CACNA2D3: variants seen among roughly 807,000 people sequenced by gnomAD.
CACNA2D3 encodes calcium voltage-gated channel auxiliary subunit alpha2delta 3.
CACNA2D3 carries 60 observed loss-of-function variants against 160.6 expected under a neutral mutation model. The ratio of observed to expected loss-of-function variants is 0.37; its 90% CI spans 0.30 to 0.46. CACNA2D3 has a LOEUF of 0.46. Among genes scored for constraint, CACNA2D3 ranks in the 20% least tolerant of loss-of-function variants. The pLI is 1.00. For synonymous variants in CACNA2D3, 558 were observed against 492.9 expected, an observed-to-expected ratio of 1.13 and a Z score of -1.75; for missense variants, 1,205 against 1,365.0, an observed-to-expected ratio of 0.88 and a Z score of 1.85.
chr3:54,926,533 C>T (rs947929146), intron 27 of CACNA2D3, among the ~76,000 whole-genome samples: 1 of 151,174 alleles, frequency 6.6e-6, no homozygotes, highest in Non-Finnish European at 1.5e-5. Context: ...CACACACACA[C>T]ACACACACAC....
chr3:54,458,257 G>T (rs1700435049), intron 4 of CACNA2D3, among the ~76,000 whole-genome samples: 1 of 152,038 alleles, frequency 6.6e-6, no homozygotes. Context: ...TGCTCCACCA[G>T]TGAATTTTGT....
chr3:54,520,859 A>G (rs1385334764), intron 5 of CACNA2D3, among the ~76,000 whole-genome samples: 1 of 152,174 alleles, frequency 6.6e-6, no homozygotes, highest in African/African-American at 2.4e-5. Flanking sequence ...ATGTAATCAT[A>G]TTATATGTGA....
At chr3:54,813,546 TG>T (rs914645554) in intron 13 of CACNA2D3, among the ~76,000 whole-genome samples, 5 of 152,136 alleles carry the variant, frequency 3.3e-5, no homozygotes, top group South Asian at 2.1e-4. Context: ...AACATGGTGG[TG>T]GGGGGTGTTG....
chr3:54,387,705 G>T (rs1699212955), intron 4 of CACNA2D3, among the ~76,000 whole-genome samples: 1 of 150,878 alleles, frequency 6.6e-6, no homozygotes, highest in African/African-American at 2.5e-5. Flanking sequence ...ATTCCTTTGG[G>T]TCTCCCTGAA....
chr3:54,123,380 A>C, intron 1 of CACNA2D3, 133 bp from the exon 2 acceptor site: 1 of 694,624 alleles, frequency 1.4e-6, no homozygotes, highest in South Asian at 1.8e-5. Context: ...CGCTTTTTCT[A>C]TCTTTTCTTC....
chr3:54,170,121 C>T (rs964189078), intron 2 of CACNA2D3, among the ~76,000 whole-genome samples: 1 of 147,086 alleles, frequency 6.8e-6, no homozygotes, highest in African/African-American at 2.6e-5. Context: ...CTGGAAGGCA[C>T]GGAGGTTGCA....
In CACNA2D3 at chr3:54,642,124, C is replaced by G; in HGVS notation, c.1054-4C>G. 1 of 1,595,804 alleles carries G rather than the reference C, an allele frequency of 6.3e-7. No homozygotes were observed. The highest frequency in any genetic ancestry group is 8.6e-7 in the Non-Finnish European group (1 of 1,167,176). ...TACTATTTTGAACTTATTTCTTTCC[C>G]TAGTTCAACCACACGGGACAAGGAA... is the stretch of plus-strand genomic sequence containing the variant. On this transcript the variant is annotated splice_polypyrimidine_tract_variant and splice_region_variant and intron_variant, in intron 10 of 37. Transcript: ENST00000474759.
intron 27 of CACNA2D3, among the ~76,000 whole-genome samples, chr3:54,944,520 A>C (rs545803291): frequency 6.6e-6 from 1 of 152,112 alleles, no homozygotes; most frequent in Non-Finnish European, 1.5e-5. Flanking sequence ...TCCCGGGTTC[A>C]CGCCATTCCC....
At chr3:54,627,293 A>T (rs1699142307) in intron 9 of CACNA2D3, among the ~76,000 whole-genome samples, 1 of 152,194 alleles carries the variant, frequency 6.6e-6, no homozygotes, top group Non-Finnish European at 1.5e-5. Context: ...ATTCTAGGCT[A>T]GTCTTAGAGG....
At chr3:55,040,559 C>A (rs902098055) in intron 35 of CACNA2D3, among the ~76,000 whole-genome samples, 31 of 151,790 alleles carry the variant, frequency 2.0e-4, no homozygotes, top group Admixed American at 1.3e-3. Flanking sequence ...ATGGCACACA[C>A]CTGTAGTCCC....
intron 27 of CACNA2D3, among the ~76,000 whole-genome samples, chr3:54,942,005 A>G (rs1224973260): frequency 6.6e-6 from 1 of 152,238 alleles, no homozygotes; most frequent in East Asian, 1.9e-4. Context: ...TCCAGAGATC[A>G]TCACAAGTGG....
chr3:55,057,704 G>A (rs1412311514), intron 35 of CACNA2D3, among the ~76,000 whole-genome samples: 1 of 152,158 alleles, frequency 6.6e-6, no homozygotes, highest in Non-Finnish European at 1.5e-5. Context: ...TTCAATTCAA[G>A]TCCATTAACT....
At chr3:54,987,139 T>C (rs1702632617) in intron 30 of CACNA2D3, among the ~76,000 whole-genome samples, 1 of 152,152 alleles carries the variant, frequency 6.6e-6, no homozygotes, top group Non-Finnish European at 1.5e-5. Flanking sequence ...TTGGTCAACA[T>C]GTCAACTGCC....
At chr3:54,436,587 A>G (rs1700063312) in intron 4 of CACNA2D3, among the ~76,000 whole-genome samples, 1 of 152,254 alleles carries the variant, frequency 6.6e-6, no homozygotes, top group African/African-American at 2.4e-5. Flanking sequence ...ACCATGGAAT[A>G]CTATGCAGCC....
At chr3:54,564,342 A>G (rs1702375592) in intron 6 of CACNA2D3, among the ~76,000 whole-genome samples, 1 of 152,258 alleles carries the variant, frequency 6.6e-6, no homozygotes. Flanking sequence ...TTTATCAGTC[A>G]GAACAATTGG....
At chr3:55,003,026 G>A (rs140387518) in intron 31 of CACNA2D3, among the ~76,000 whole-genome samples, 26 of 152,298 alleles carry the variant, frequency 1.7e-4, no homozygotes, top group Non-Finnish European at 3.5e-4. Flanking sequence ...GCTGGGTGCT[G>A]TACTAGGTGC....
At chr3:54,512,594 T>C (rs1701477107) in intron 5 of CACNA2D3, among the ~76,000 whole-genome samples, 1 of 152,114 alleles carries the variant, frequency 6.6e-6, no homozygotes, top group African/African-American at 2.4e-5. Flanking sequence ...GGGAGGACAA[T>C]GTGGAGGTAG....
intron 35 of CACNA2D3, among the ~76,000 whole-genome samples, chr3:55,060,151 A>C (rs565020691): frequency 2.4e-4 from 36 of 152,034 alleles, no homozygotes; most frequent in Non-Finnish European, 3.8e-4. Context: ...TATCAGTATG[A>C]TGGGTGAGAT....
At chr3:54,584,413 A>C (rs556087939) in intron 9 of CACNA2D3, among the ~76,000 whole-genome samples, 1 of 152,350 alleles carries the variant, frequency 6.6e-6, no homozygotes, top group South Asian at 2.1e-4. Flanking sequence ...TGATGAGCTC[A>C]ATAGAGTGAA....
Sources: gnomAD v4.1 joint callset for allele counts (sites outside exome capture counted in the v4.1 genomes callset) on GRCh38, gnomAD v4.1.1 for gene constraint, MANE v1.5 for transcripts, NCBI Gene and HGNC (gene_info 2026-07-23, HGNC 2026-07-21) for gene names.